The following USP43 variants were observed in gnomAD, a reference collection of about 807,000 sequenced individuals.
The protein encoded by USP43 is ubiquitin specific peptidase 43.
A neutral mutation model predicts 90.7 loss-of-function variants in USP43; 33 were observed. The ratio of observed to expected loss-of-function variants is 0.36; its 90% confidence interval spans 0.28 to 0.49. The LOEUF (loss-of-function observed/expected upper bound fraction) is 0.49. Among genes scored for constraint, USP43 ranks in the 20% least tolerant of loss-of-function variants. USP43 has a pLI of 0.98. For synonymous variants in USP43, 598 were observed against 615.8 expected (o/e 0.97, Z 0.43); for missense variants, 1,274 against 1,476.4 (o/e 0.86, Z 2.25).
intron 2 of USP43, among the ~76,000 whole-genome samples, chr17:9,663,390 C>T (rs1473487720): frequency 2.6e-5 from 4 of 151,680 alleles, no homozygotes; most frequent in East Asian, 2.0e-4. Flanking sequence ...CTCTGCCTCC[C>T]AGGTTAAAGC....
At chr17:9,722,475 T>C (rs1206944163) in intron 14 of USP43, among the ~76,000 whole-genome samples, 1 of 152,212 alleles carries the variant, frequency 6.6e-6, no homozygotes, top group Non-Finnish European at 1.5e-5. Context: ...TTTGTTCATT[T>C]CGTTTTTAAA....
rs1283414145 is a variant in USP43 at position 9,727,943 on chromosome 17, G to C, written c.2336-11G>C. 1 of 1,590,924 alleles carries C rather than the reference G, an allele frequency of 6.3e-7. No homozygotes were observed. Among genetic ancestry groups the C allele is most frequent in the Admixed American group, 1.7e-5 (1 of 57,538 alleles). The stretch of plus-strand genomic sequence containing the variant: ...TGGCTTGTACACTGACAGTCTCTCT[G>C]TCTCTTTCAGGAGGGTTGGAGCCCA... On this transcript the variant is annotated splice_polypyrimidine_tract_variant and intron_variant, in intron 14 of 14. Coordinates refer to ENST00000285199, the MANE Select transcript of USP43 (RefSeq NM_153210.5).
chr17:9,650,758 A>C (rs1911801796), intron 1 of USP43, among the ~76,000 whole-genome samples: 1 of 152,156 alleles, frequency 6.6e-6, no homozygotes, highest in Non-Finnish European at 1.5e-5. Context: ...CAGGTATATA[A>C]TGTATTAACT....
intron 9 of USP43, 145 bp downstream of exon 9, chr17:9,693,375 T>A (rs1441083063): frequency 1.4e-6 from 1 of 690,312 alleles, no homozygotes; most frequent in East Asian, 2.7e-5. Context: ...CTATGTTAGG[T>A]CATTGGGCAT....
At chr17:9,704,732 G>A (rs1029808082) in intron 12 of USP43, among the ~76,000 whole-genome samples, 1 of 152,014 alleles carries the variant, frequency 6.6e-6, no homozygotes, top group African/African-American at 2.4e-5. Context: ...TAGCTGGTGG[G>A]TGGCCCTCTT....
intron 2 of USP43, among the ~76,000 whole-genome samples, chr17:9,657,949 C>T (rs1289169809): frequency 6.6e-6 from 1 of 152,166 alleles, no homozygotes; most frequent in Non-Finnish European, 1.5e-5. Flanking sequence ...AATTCCATAT[C>T]AATGAGTGAG....
chr17:9,701,100 G>A lies in USP43; in HGVS notation c.1536-19G>A. The A allele has an allele frequency of 1.4e-6, 2 of 1,452,134 alleles. No homozygotes were observed. 90.0% of individuals were successfully genotyped at this position (1,452,134 alleles called of 1,614,324 possible). A position where few individuals can be genotyped will look rare whatever the true frequency, so the allele number is the denominator to read the frequency against. ...GGAGCAGGAAAGTCCTGAACGCCGTGGGTGTCCTCTCCGTGCAGCCTGTTC... is the reference window on the plus strand; with the variant it reads ...GGAGCAGGAAAGTCCTGAACGCCGTAGGTGTCCTCTCCGTGCAGCCTGTTC... On this transcript the variant is annotated intron_variant, in intron 10 of 14. Coordinates refer to ENST00000285199, the MANE Select transcript of USP43 (RefSeq NM_153210.5). The surrounding 1 kb of genome is among the most constrained non-coding windows in gnomAD (Gnocchi z 7.2).
In USP43 at chr17:9,701,311, G is replaced by A. The variant is rs780751574; in HGVS notation, c.1663-41G>A. The A allele has an allele frequency of 8.2e-6, 13 of 1,587,726 alleles. No homozygotes were observed. The highest frequency in any genetic ancestry group is 5.7e-5 in the South Asian group (5 of 87,268). On this transcript the variant is annotated intron_variant, in intron 11 of 14. Transcript: ENST00000285199. The surrounding 1 kb of genome is among the most constrained non-coding windows in gnomAD (Gnocchi z 7.2). ...TGGCTGCCTTTGGTGGGTTGGCCACGTGCTGCGGGGGCCTCACAGTCCGGG... is the reference window on the plus strand; with the variant it reads ...TGGCTGCCTTTGGTGGGTTGGCCACATGCTGCGGGGGCCTCACAGTCCGGG...
In USP43 at chr17:9,709,017, CAG is replaced by C. The variant is rs1916040956; in HGVS notation, c.2012-935_2012-934del. On this transcript the variant is annotated intron_variant, in intron 12 of 14. Transcript: ENST00000285199. The surrounding 1 kb of genome is among the most constrained non-coding windows in gnomAD (Gnocchi z 5.0). ...GGAGAAAGACACGCAGAATATGCGA[CAG>C]AGAATATATGTGGCCATATGTGACC... Among the ~76,000 whole-genome samples the C allele has an allele frequency of 1.3e-5, 2 of 152,222 alleles. No homozygotes were observed. The highest frequency in any genetic ancestry group is 4.1e-4 in the South Asian group (2 of 4,826).
intron 6 of USP43, among the ~76,000 whole-genome samples, chr17:9,681,465 TATATATATATATATATATATATA>T (rs1567661209): frequency 0.026 from 1,881 of 72,996 alleles, 165 homozygotes; most frequent in African/African-American, 0.065. Context: ...AAATATATTA[TATATATATATATATATATATATA>T]TATATATATA....
chr17:9,686,748 G>T lies in USP43; in HGVS notation c.1242-50G>T, dbSNP rs1246315629. ...GAACAACCACTCATGACTGGTGGAT[G>T]TTGCTGGTTTTTCCTTTGCTGGGAT... On this transcript the variant is annotated intron_variant, in intron 7 of 14. Transcript: ENST00000285199. The surrounding 1 kb of genome is among the most constrained non-coding windows in gnomAD (Gnocchi z 5.5). The T allele has an allele frequency of 6.5e-7, 1 of 1,541,112 alleles. No homozygotes were observed. Among genetic ancestry groups the T allele is most frequent in the East Asian group, 2.3e-5 (1 of 43,846 alleles).
intron 14 of USP43, among the ~76,000 whole-genome samples, chr17:9,719,765 C>G (rs925197103): frequency 6.6e-6 from 1 of 152,086 alleles, no homozygotes; most frequent in African/African-American, 2.4e-5. Context: ...AGTTCTGAGA[C>G]GGTTGAAAAA....
intron 6 of USP43, among the ~76,000 whole-genome samples, chr17:9,681,461 ATTATATATATAT>A (rs1914249751): frequency 4.6e-5 from 3 of 65,038 alleles, no homozygotes; most frequent in Admixed American, 2.4e-4. Context: ...TATAAAATAT[ATTATATATATAT>A]ATATATATAT....
intron 3 of USP43, among the ~76,000 whole-genome samples, chr17:9,671,766 A>C (rs1278547855): frequency 6.6e-6 from 1 of 152,104 alleles, no homozygotes; most frequent in African/African-American, 2.4e-5. Context: ...AGGACTGTGA[A>C]TGTCCTGGAG....
chr17:9,680,495 G>T (rs1387982111), intron 6 of USP43, 129 bp downstream of exon 6: 3 of 1,095,884 alleles, frequency 2.7e-6, no homozygotes, highest in Non-Finnish European at 3.9e-6. Flanking sequence ...ATTATCCCTG[G>T]CATTCGTTGT....
At chr17:9,689,575 T>G (rs1384377960) in intron 8 of USP43, among the ~76,000 whole-genome samples, 1 of 151,924 alleles carries the variant, frequency 6.6e-6, no homozygotes, top group Non-Finnish European at 1.5e-5. Context: ...TCATGCCTGG[T>G]TAATTATTTT....
intron 13 of USP43, 149 bp downstream of exon 13, chr17:9,710,263 A>G: frequency 2.4e-6 from 2 of 837,680 alleles, no homozygotes; most frequent in Non-Finnish European, 1.6e-6. Context: ...CCTGAGCTGC[A>G]TAGACTGGTT....
At chr17:9,716,076 T>C (rs1916549264) in intron 14 of USP43, among the ~76,000 whole-genome samples, 1 of 148,682 alleles carries the variant, frequency 6.7e-6, no homozygotes, top group Non-Finnish European at 1.5e-5. Context: ...TGTGTATTGT[T>C]TGTGCCTGTA....
At chr17:9,681,543 G>T (rs1914291465) in intron 6 of USP43, among the ~76,000 whole-genome samples, 1 of 128,724 alleles carries the variant, frequency 7.8e-6, no homozygotes. Context: ...ACCCAGGCTG[G>T]AGTGCAGTGG....
Sources: gnomAD v4.1 joint callset for allele counts (sites outside exome capture counted in the v4.1 genomes callset) on GRCh38, gnomAD v4.1.1 for gene constraint, Gnocchi (gnomAD v3.1) non-coding constraint, MANE v1.5 for transcripts, NCBI Gene and HGNC (gene_info 2026-07-23, HGNC 2026-07-21) for gene names.